VSX2: variants seen among roughly 807,000 people sequenced by gnomAD.
The protein encoded by VSX2 is ceh-10 homeo domain containing homolog.
In VSX2, 28 loss-of-function variants were observed where a neutral mutation model predicts 32.1. That is an observed-to-expected ratio of 0.87 (90% CI 0.65 to 1.20). VSX2 has a LOEUF of 1.20. Among genes scored for constraint, VSX2 ranks in the 50% most tolerant of loss-of-function variants. The pLI is 0.00. For synonymous variants in VSX2, 243 were observed against 214.1 expected, an observed-to-expected ratio of 1.14 and a Z score of -1.18; for missense variants, 506 against 488.7, an observed-to-expected ratio of 1.04 and a Z score of -0.33.
At chr14:74,241,338 C>A (rs2079148899) in intron 2 of VSX2, 72 bp downstream of exon 2, 1 of 1,496,554 alleles carries the variant, frequency 6.7e-7, no homozygotes. Context: ...GGGATCGGGT[C>A]TCTCGGACCC....
At chr14:74,253,039 A>C (rs1594756882) in intron 3 of VSX2, among the ~76,000 whole-genome samples, 1 of 115,464 alleles carries the variant, frequency 8.7e-6, no homozygotes. Flanking sequence ...GCAGAGTGAG[A>C]CTCCATCTCA....
chr14:74,243,163 A>C (rs1425053883), intron 2 of VSX2, among the ~76,000 whole-genome samples: 1 of 152,196 alleles, frequency 6.6e-6, no homozygotes, highest in African/African-American at 2.4e-5. Flanking sequence ...GAGACCCTGG[A>C]ATCTGGTGAT....
chr14:74,240,466 G>T (rs1003862426), intron 1 of VSX2, among the ~76,000 whole-genome samples: 1 of 152,112 alleles, frequency 6.6e-6, no homozygotes, highest in Non-Finnish European at 1.5e-5. Flanking sequence ...TAAAGCGGCC[G>T]CCATCCTCTC....
Position 74,241,243 on chromosome 14 carries a change from G to A in VSX2, c.432G>A (p.Lys144=). The change falls in exon 2 of 5, where the codon AAG becomes AAA. Residue 144 remains lysine (K), a synonymous_variant. Transcript: ENST00000261980. ...KMSKSALNQT[K]KRKKRRHRTI... is the part of the protein sequence containing the mutation. ...CCAAATCTGCTTTAAACCAGACCAAGAAACGGAAGAAGCGGCGACACAGGT... is the reference window on the plus strand; with the variant it reads ...CCAAATCTGCTTTAAACCAGACCAAAAAACGGAAGAAGCGGCGACACAGGT... The A allele has an allele frequency of 6.2e-7, 1 of 1,613,276 alleles. No individual in the cohort carries two copies. The highest frequency in any genetic ancestry group is 1.3e-5 in the African/African-American group (1 of 75,072).
At chr14:74,241,315 C>G (rs768179749) in intron 2 of VSX2, 49 bp downstream of exon 2, 1 of 1,584,244 alleles carries the variant, frequency 6.3e-7, no homozygotes. Context: ...ACCCCGCTGC[C>G]GTCCCCCGTT....
intron 2 of VSX2, among the ~76,000 whole-genome samples, chr14:74,243,315 GACT>G (rs2079163331): frequency 6.6e-6 from 1 of 152,158 alleles, no homozygotes; most frequent in Non-Finnish European, 1.5e-5. Flanking sequence ...CTCCTCTTCA[GACT>G]GGACACAACA....
intron 3 of VSX2, among the ~76,000 whole-genome samples, chr14:74,257,639 G>A (rs1477574500): frequency 6.6e-6 from 1 of 151,990 alleles, no homozygotes; most frequent in Non-Finnish European, 1.5e-5. Flanking sequence ...CTCCGCCGCA[G>A]ACTCCGCGCC....
At chr14:74,244,563 G>A (rs1003797310) in intron 2 of VSX2, among the ~76,000 whole-genome samples, 1 of 152,080 alleles carries the variant, frequency 6.6e-6, no homozygotes, top group Admixed American at 6.5e-5. Flanking sequence ...TTCTAACTTT[G>A]AAAGGCATTC....
At chr14:74,257,440 G>A (rs1283454714) in intron 3 of VSX2, among the ~76,000 whole-genome samples, 2 of 152,264 alleles carry the variant, frequency 1.3e-5, no homozygotes, top group Non-Finnish European at 2.9e-5. Context: ...CACCCGGGGC[G>A]GGAGAGGCCG....
rs922675967 is a variant in VSX2 at position 74,262,395 on chromosome 14, A to G, written c.*1476A>G. 6.6e-6 allele frequency: 1 copy of G among 152,210 alleles called. No individual in the cohort carries two copies. The highest frequency in any genetic ancestry group is 2.4e-5 in the African/African-American group (1 of 41,438). 9.4% of individuals were successfully genotyped at this position (152,210 alleles called of 1,614,324 possible). A position where few individuals can be genotyped will look rare whatever the true frequency, so the allele number is the denominator to read the frequency against. ...GCCAGGCTCCCGACCCCATCCACCT[A>G]TCCACCACCCCACCCACCTTTGCAG... On this transcript the variant is annotated 3_prime_UTR_variant, in exon 5 of 5. Coordinates refer to ENST00000261980, the MANE Select transcript of VSX2 (RefSeq NM_182894.3).
In VSX2 at chr14:74,260,898, G is replaced by A. The variant is rs370443332; in HGVS notation, c.1065G>A (p.Pro355=). The A allele has an allele frequency of 2.7e-5, 42 of 1,561,274 alleles. No individual in the cohort carries two copies. The African/African-American group carries it at 2.9e-4, about 11-fold the overall frequency. ...GGCCGGCGGAGAGGCTCAGTCCACC[G>A]CAGCTGGAGGACATGGCTTAGGTCA... ...EDRPAERLSP[P]QLEDMA is the part of the protein sequence containing the mutation. The change falls in exon 5 of 5, where the codon CCG becomes CCA. Residue 355 remains proline (P), a synonymous_variant. Transcript: ENST00000261980.
At chr14:74,240,997 CG>C (rs2079146381) in intron 1 of VSX2, among the ~76,000 whole-genome samples, 184 bp from the exon 2 acceptor site, 1 of 152,170 alleles carries the variant, frequency 6.6e-6, no homozygotes, top group African/African-American at 2.4e-5. Flanking sequence ...ATTCGGGCCC[CG>C]GCGCGGGAGA....
intron 3 of VSX2, among the ~76,000 whole-genome samples, chr14:74,250,744 G>A (rs1437256751): frequency 2.6e-5 from 4 of 151,714 alleles, no homozygotes; most frequent in Non-Finnish European, 5.9e-5. Context: ...CGCCTTCTGG[G>A]TTCAAGCAAT....
At chr14:74,240,824 C>A (rs544416968) in intron 1 of VSX2, among the ~76,000 whole-genome samples, 1 of 152,162 alleles carries the variant, frequency 6.6e-6, no homozygotes, top group African/African-American at 2.4e-5. Flanking sequence ...ACTTTCCGGC[C>A]CGGGGCATTG....
intron 1 of VSX2, among the ~76,000 whole-genome samples, chr14:74,240,632 T>C (rs930720511): frequency 6.6e-6 from 1 of 152,198 alleles, no homozygotes; most frequent in African/African-American, 2.4e-5. Flanking sequence ...TCCCCCGATT[T>C]TTCGTTGCGT....
In VSX2 at chr14:74,239,881, C is replaced by G; in HGVS notation, c.320C>G (p.Pro107Arg). The change falls in exon 1 of 5, where the codon CCA becomes CGA. Residue 107 changes from proline to arginine, a missense_variant. By Grantham distance (103) the Pro-to-Arg change is moderately radical. Coordinates refer to ENST00000261980, the MANE Select transcript of VSX2 (RefSeq NM_182894.3). Reference protein sequence around the residue: ...LSDPQSVHLQPLGRASGPLDT... With the variant: ...LSDPQSVHLQRLGRASGPLDT... ...GACCCGCAGAGCGTCCACTTGCAGC[C>G]ATTGGGCAGAGCATCGGGGCCGCTG... 1 of 1,576,090 alleles carries G rather than the reference C, an allele frequency of 6.3e-7. No individual in the cohort carries two copies.
intron 3 of VSX2, among the ~76,000 whole-genome samples, chr14:74,256,973 C>G (rs2079267787): frequency 6.6e-6 from 1 of 152,204 alleles, no homozygotes; most frequent in Non-Finnish European, 1.5e-5. Flanking sequence ...TGCGCCAGGC[C>G]GGGAGTCATA....
chr14:74,257,709 A>AC (rs33974776), intron 3 of VSX2, among the ~76,000 whole-genome samples: 50,615 of 129,664 alleles, frequency 0.39, 8,490 homozygotes, highest in East Asian at 0.63. Context: ...CGCGCGGACC[A>AC]CCCCCCACCC....
chr14:74,251,473 C>CA (rs1361046050), intron 3 of VSX2, among the ~76,000 whole-genome samples: 1 of 152,130 alleles, frequency 6.6e-6, no homozygotes, highest in African/African-American at 2.4e-5. Flanking sequence ...AAAACAACAA[C>CA]AAAAAATCAA....
Sources: allele counts gnomAD v4.1 joint callset (sites outside exome capture counted in the v4.1 genomes callset), GRCh38; gene constraint gnomAD v4.1.1; transcripts MANE v1.5; gene names NCBI Gene and HGNC (gene_info 2026-07-23, HGNC 2026-07-21).